The following GEMIN5 variants were observed in gnomAD, a reference collection of about 807,000 sequenced individuals.
GEMIN5 encodes the protein gem nuclear organelle associated protein 5, also known as gem-associated protein 5.
A neutral mutation model predicts 176.9 loss-of-function variants in GEMIN5; 124 were observed. The observed-to-expected ratio is 0.70, with a 90% CI of 0.61 to 0.81. The LOEUF is 0.81. GEMIN5 is among the 40% of genes least tolerant of loss of function. The pLI, the probability that GEMIN5 is intolerant of heterozygous loss-of-function variation, is 0.00. For synonymous variants in GEMIN5, 673 were observed against 665.2 expected (o/e 1.01, Z -0.18); for missense variants, 1,843 against 1,814.6 (o/e 1.02, Z -0.28).
chr5:154,932,338 C>T lies in GEMIN5; in HGVS notation c.510-88G>A, dbSNP rs562161232. 2.0e-4 allele frequency: 180 copies of T among 895,006 alleles called. No individual in the cohort carries two copies. The African/African-American group carries it at 2.4e-3, about 12-fold the overall frequency. 55.4% of individuals were successfully genotyped at this position (895,006 alleles called of 1,614,324 possible). A position where few individuals can be genotyped will look rare whatever the true frequency, so the allele number is the denominator to read the frequency against. ...CATTTTGGCTTGGAGTTACCATTGG[C>T]GCATTCCTTAAAGTTAGGTGCATTT... On this transcript the variant is annotated intron_variant, in intron 3 of 27. Coordinates refer to ENST00000285873, the MANE Select transcript of GEMIN5 (RefSeq NM_015465.5).
chr5:154,920,010 G>A lies in GEMIN5; in HGVS notation c.1556C>T (p.Ala519Val), dbSNP rs772506102. The A allele has an allele frequency of 3.7e-5, 59 of 1,613,312 alleles. No homozygotes were observed. Among genetic ancestry groups the A allele is most frequent in the Non-Finnish European group, 4.8e-5 (57 of 1,179,544 alleles). ...CCTGATGAGTTTGTTGATGTCAAAG[G>A]CTTCTCCACTAAGCTTCCAGGGATT... is the stretch of plus-strand genomic sequence containing the variant. ...QHNPWKLSGE[A>V]FDINKLIRDT... The change falls in exon 11 of 28, where the codon GCC (alanine) becomes GTC (valine). Residue 519 changes from alanine to valine, a missense_variant. Ala to Val is a moderately conservative substitution (Grantham distance 64). Coordinates refer to ENST00000285873, the MANE Select transcript of GEMIN5 (RefSeq NM_015465.5).
intron 7 of GEMIN5, among the ~76,000 whole-genome samples, chr5:154,926,347 C>T (rs1344789311): frequency 6.6e-6 from 1 of 152,152 alleles, no homozygotes; most frequent in Non-Finnish European, 1.5e-5. Context: ...TCTCCAAGTT[C>T]GGTGGTCTTT....
intron 24 of GEMIN5, among the ~76,000 whole-genome samples, chr5:154,895,670 G>C (rs1763333108): frequency 2.2e-5 from 1 of 44,608 alleles, no homozygotes; most frequent in Non-Finnish European, 8.4e-5. Flanking sequence ...TCTGGTTGAT[G>C]GGTTATTACA....
chr5:154,895,084 A>G (rs765644997), intron 24 of GEMIN5, among the ~76,000 whole-genome samples: 7 of 152,096 alleles, frequency 4.6e-5, no homozygotes, highest in Admixed American at 2.6e-4. Context: ...CGCCTCAAAA[A>G]GAAAGAAAAG....
intron 26 of GEMIN5, among the ~76,000 whole-genome samples, chr5:154,890,661 G>A (rs1458529598): frequency 6.6e-6 from 1 of 152,070 alleles, no homozygotes; most frequent in Middle Eastern, 3.2e-3. Flanking sequence ...TAGAGACAGG[G>A]TCTCAATATG....
chr5:154,920,131 C>T, intron 10 of GEMIN5, 28 bp from the exon 11 acceptor site: 1 of 1,590,348 alleles, frequency 6.3e-7, no homozygotes, highest in Non-Finnish European at 8.6e-7. Context: ...AGAAACTTAT[C>T]AGTTTTGTAC....
Position 154,903,173 on chromosome 5 carries a change from GCT to G in GEMIN5, c.2633_2634del (p.Glu878AlafsTer3), listed in dbSNP as rs1270048518. 1 of 1,605,326 alleles carries G rather than the reference GCT, an allele frequency of 6.2e-7. No individual in the cohort carries two copies. The highest frequency in any genetic ancestry group is 2.2e-5 in the East Asian group (1 of 44,816). ...LVLATAKHSR[E>X]LNEDVSADVE... ...ACATCAGCAGACACATCTTCATTCA[GCT>G]CTGTTAATTTAAAAAGGCAAAAAAA... is the stretch of plus-strand genomic sequence containing the variant. On this transcript the variant is annotated frameshift_variant and splice_region_variant, in exon 19 of 28. Coordinates refer to ENST00000285873, the MANE Select transcript of GEMIN5 (RefSeq NM_015465.5). LOFTEE classifies it high-confidence loss of function.
intron 1 of GEMIN5, among the ~76,000 whole-genome samples, chr5:154,937,453 C>T (rs1764292942): frequency 6.6e-6 from 1 of 152,234 alleles, no homozygotes; most frequent in Non-Finnish European, 1.5e-5. Context: ...GACTGGAAAG[C>T]AGCTCAAATA....
intron 5 of GEMIN5, 91 bp from the exon 6 acceptor site, chr5:154,928,750 G>A: frequency 9.5e-7 from 1 of 1,049,580 alleles, no homozygotes; most frequent in Non-Finnish European, 1.4e-6. Flanking sequence ...AGTCTGCGCT[G>A]TAAAAGCTTG....
At chr5:154,936,157 CTG>C in intron 2 of GEMIN5, 135 bp from the exon 3 acceptor site, 1 of 595,960 alleles carries the variant, frequency 1.7e-6, no homozygotes, top group Non-Finnish European at 2.9e-6. Flanking sequence ...TGGCTCACGC[CTG>C]TAATCCCAGC....
At chr5:154,925,593 T>C (rs1184876786) in intron 8 of GEMIN5, among the ~76,000 whole-genome samples, 1 of 152,244 alleles carries the variant, frequency 6.6e-6, no homozygotes, top group Non-Finnish European at 1.5e-5. Flanking sequence ...ATCTTATAAC[T>C]TAACGCATTT....
rs1435380085 is a variant in GEMIN5, at chr5:154,924,362, G to A, written c.1379+107C>T. 3 of 696,194 alleles carry A rather than the reference G, an allele frequency of 4.3e-6. No individual in the cohort carries two copies. In the East Asian group the frequency reaches 7.7e-5, roughly 18 times the overall value. 43.1% of individuals were successfully genotyped at this position (696,194 alleles called of 1,614,324 possible). A position where few individuals can be genotyped will look rare whatever the true frequency, so the allele number is the denominator to read the frequency against. On this transcript the variant is annotated intron_variant, in intron 9 of 27. Coordinates refer to ENST00000285873, the MANE Select transcript of GEMIN5 (RefSeq NM_015465.5). ...ACAACTGATTTGTGGTCTTCAAATT[G>A]AAAAGGCAACGTTATGAAAAGGAAA...
chr5:154,932,373 G>C (rs373111599), intron 3 of GEMIN5, 123 bp from the exon 4 acceptor site: 5 of 653,562 alleles, frequency 7.7e-6, no homozygotes, highest in African/African-American at 5.5e-5. Context: ...TGGGGTGGCG[G>C]AGGAGGGAAG....
At chr5:154,930,252 G>C (rs558438934) in intron 5 of GEMIN5, among the ~76,000 whole-genome samples, 3 of 152,344 alleles carry the variant, frequency 2.0e-5, no homozygotes, top group African/African-American at 7.2e-5. Context: ...CTAGCTGATA[G>C]GGGAACGACA....
Position 154,928,588 on chromosome 5 carries a change from G to C in GEMIN5, c.853C>G (p.Leu285Val). ...GGIDPTVKER[L>V]WLTLHWPSNQ... ...CTGGGCCAATGGAGTGTCAACCAAA[G>C]GCGCTCTTTAACAGTTGGGTCTATA... is the stretch of plus-strand genomic sequence containing the variant. The change falls in exon 6 of 28, where the codon CTT (leucine) becomes GTT (valine). Residue 285 changes from leucine to valine, a missense_variant. By Grantham distance (32) the Leu-to-Val change is conservative. Coordinates refer to ENST00000285873, the MANE Select transcript of GEMIN5 (RefSeq NM_015465.5). 1 of 1,613,944 alleles carries C rather than the reference G, an allele frequency of 6.2e-7. No homozygotes were observed. Among genetic ancestry groups the C allele is most frequent in the Non-Finnish European group, 8.5e-7 (1 of 1,179,794 alleles).
intron 2 of GEMIN5, 84 bp from the exon 3 acceptor site, chr5:154,936,106 T>C (rs1446167405): frequency 1.7e-5 from 14 of 832,024 alleles, no homozygotes; most frequent in Non-Finnish European, 2.1e-5. Context: ...AGCATAATGC[T>C]ACATATACAC....
Position 154,907,739 on chromosome 5 carries a change from C to A in GEMIN5, c.2247G>T (p.Leu749Phe), listed in dbSNP as rs772348823. The A allele has an allele frequency of 1.2e-6, 2 of 1,614,002 alleles. No homozygotes were observed. Among genetic ancestry groups the A allele is most frequent in the African/African-American group, 2.7e-5 (2 of 74,902 alleles). ...AKPKKKKKPTLRTPVKLESID... is the reference protein window; with the variant it reads ...AKPKKKKKPTFRTPVKLESID... ...TCGATTCCAGCTTTACAGGAGTTCT[C>A]AAGGTGGGCTTTTTCTTCTTTTTGG... is the stretch of plus-strand genomic sequence containing the variant. The change falls in exon 16 of 28, where the codon TTG becomes TTT. Residue 749 changes from leucine to phenylalanine, a missense_variant. Coordinates refer to ENST00000285873, the MANE Select transcript of GEMIN5 (RefSeq NM_015465.5).
At position 154,888,131 on chromosome 5, in the gene GEMIN5, T is replaced by C. The variant is rs758023849; in HGVS notation, c.*79A>G. The C allele has an allele frequency of 3.9e-6, 5 of 1,281,668 alleles. No homozygotes were observed. The highest frequency in any genetic ancestry group is 4.5e-6 in the Non-Finnish European group (4 of 883,292). The allele number at this position is 1,281,668 out of a possible 1,614,324, so 79.4% of individuals were successfully genotyped here. ...AAAAACATCTAGGGACCAGAGTGAA[T>C]GTCTGGTGAGGCATAACTGCAGAGG... is the stretch of plus-strand genomic sequence containing the variant. On this transcript the variant is annotated 3_prime_UTR_variant, in exon 28 of 28. Coordinates refer to ENST00000285873, the MANE Select transcript of GEMIN5 (RefSeq NM_015465.5).
chr5:154,934,429 G>T (rs776939299), intron 3 of GEMIN5, among the ~76,000 whole-genome samples: 2 of 151,980 alleles, frequency 1.3e-5, no homozygotes, highest in Non-Finnish European at 2.9e-5. Flanking sequence ...TGCCCACCTC[G>T]GCCTCTCAAA....
Sources: allele counts gnomAD v4.1 joint callset (sites outside exome capture counted in the v4.1 genomes callset), GRCh38; gene constraint gnomAD v4.1.1; transcripts MANE v1.5; gene names NCBI Gene and HGNC (gene_info 2026-07-23, HGNC 2026-07-21).